The following DYNLT2 variants were observed in gnomAD, a reference collection of about 807,000 sequenced individuals.
The protein encoded by DYNLT2 is dynein light chain Tctex-type protein 2.
In DYNLT2, 24 loss-of-function variants were observed where a neutral mutation model predicts 24.3. The ratio of observed to expected loss-of-function variants is 0.99; its 90% CI spans 0.71 to 1.39. The LOEUF is 1.39. DYNLT2 is among the 40% of genes most tolerant of loss of function. The pLI, the probability that DYNLT2 is intolerant of heterozygous loss-of-function variation, is 0.00. For synonymous variants in DYNLT2, 85 were observed against 85.4 expected (o/e 1.00, Z 0.03); for missense variants, 246 against 234.5 (o/e 1.05, Z -0.32).
the DYNLT2 span, among the ~76,000 whole-genome samples, chr6:169,734,981 A>G: frequency 1.3e-5 from 2 of 152,250 alleles, no homozygotes; most frequent in Admixed American, 1.3e-4. Flanking sequence ...TTATTGGTCT[A>G]TTCAGGGATT....
the DYNLT2 span, among the ~76,000 whole-genome samples, chr6:169,729,859 C>T: frequency 1.4e-5 from 2 of 146,444 alleles, no homozygotes; most frequent in African/African-American, 2.5e-5. Context: ...TCACCAAGAA[C>T]CACCATGTTG....
At chr6:169,745,073 G>A (rs953645031) in intron 1 of DYNLT2, among the ~76,000 whole-genome samples, 9 of 152,008 alleles carry the variant, frequency 5.9e-5, no homozygotes, top group Non-Finnish European at 1.2e-4. Flanking sequence ...CATCGAGTAT[G>A]ATGTTTGCTG....
At chr6:169,729,441 T>G in the DYNLT2 span, among the ~76,000 whole-genome samples, 4 of 152,190 alleles carry the variant, frequency 2.6e-5, no homozygotes, top group Non-Finnish European at 5.9e-5. Flanking sequence ...TAATGATCCA[T>G]TTTTGTAAAA....
chr6:169,735,721 C>A (rs6415195), downstream of DYNLT2, among the ~76,000 whole-genome samples: 58,454 of 151,974 alleles, frequency 0.38, 13,025 homozygotes, highest in East Asian at 0.94. Context: ...TTGATTTTAG[C>A]ATAAGTGCCA....
At chr6:169,749,473 TTTG>T (rs1179621739) in intron 1 of DYNLT2, 1 of 152,250 alleles carries the variant, frequency 6.6e-6, no homozygotes, top group African/African-American at 2.4e-5. Context: ...TACTTCGCAT[TTTG>T]TTACCTTTGA....
chr6:169,742,636 T>C (rs1789703535), intron 3 of DYNLT2, among the ~76,000 whole-genome samples: 3 of 152,178 alleles, frequency 2.0e-5, no homozygotes, highest in Admixed American at 2.0e-4. Context: ...TTTGAGTCTG[T>C]TGCCCAGGCT....
downstream of DYNLT2, among the ~76,000 whole-genome samples, chr6:169,738,495 G>A (rs149569668): frequency 1.1e-3 from 170 of 152,254 alleles, 1 homozygote; most frequent in East Asian, 0.027. Flanking sequence ...TGGCTGGGTA[G>A]CACTCTTACT....
intron 1 of DYNLT2, among the ~76,000 whole-genome samples, chr6:169,747,034 A>G (rs1048120460): frequency 3.3e-5 from 5 of 151,020 alleles, no homozygotes; most frequent in Non-Finnish European, 5.9e-5. Flanking sequence ...CATAGTAGGG[A>G]CTTTAAGGAA....
At chr6:169,727,958 A>C in the DYNLT2 span, among the ~76,000 whole-genome samples, 1 of 152,226 alleles carries the variant, frequency 6.6e-6, no homozygotes, top group Non-Finnish European at 1.5e-5. Context: ...GAGATACAGA[A>C]GATCTGAGGA....
intron 1 of DYNLT2, 138 bp downstream of exon 1, chr6:169,751,201 G>A: frequency 7.4e-7 from 1 of 1,348,530 alleles, no homozygotes; most frequent in Middle Eastern, 1.9e-4. Flanking sequence ...TTCGCATCTG[G>A]GGAAAAAAGA....
chr6:169,725,117 T>G, the DYNLT2 span: 1 of 398,610 alleles, frequency 2.5e-6, no homozygotes, highest in Admixed American at 4.4e-5. Context: ...ATTACTGATC[T>G]CGGGCTGCAC....
intron 3 of DYNLT2, 52 bp from the exon 4 acceptor site, chr6:169,740,347 T>A: frequency 1.8e-6 from 2 of 1,083,764 alleles, no homozygotes; most frequent in Non-Finnish European, 1.4e-6. Context: ...TATTAAGAAG[T>A]AATTTTCAAA....
chr6:169,738,901 A>G (rs1789615994), downstream of DYNLT2: 1 of 152,232 alleles, frequency 6.6e-6, no homozygotes, highest in African/African-American at 2.4e-5. Context: ...GCCAAACTCC[A>G]TTTGGATCTA....
At chr6:169,731,360 G>A in the DYNLT2 span, among the ~76,000 whole-genome samples, 2,702 of 152,230 alleles carry the variant, frequency 0.018, 23 homozygotes, top group Non-Finnish European at 0.028. Flanking sequence ...GCCACTGAGG[G>A]GTTTTGAGGC....
intron 1 of DYNLT2, among the ~76,000 whole-genome samples, chr6:169,749,076 A>T (rs573052143): frequency 2.0e-5 from 3 of 152,258 alleles, no homozygotes; most frequent in Non-Finnish European, 4.4e-5. Context: ...TTTATTTCTA[A>T]ATGCCACATG....
chr6:169,751,265 G>A, intron 1 of DYNLT2, 74 bp downstream of exon 1: 3 of 1,540,170 alleles, frequency 1.9e-6, no homozygotes, highest in Non-Finnish European at 2.6e-6. Context: ...ACGGGAGCGG[G>A]GCCCACTGGG....
chr6:169,732,464 G>C, the DYNLT2 span, among the ~76,000 whole-genome samples: 1 of 152,064 alleles, frequency 6.6e-6, no homozygotes, highest in East Asian at 1.9e-4. Context: ...ACAGGCCCTG[G>C]TGTGTGTTGT....
intron 3 of DYNLT2, among the ~76,000 whole-genome samples, chr6:169,741,640 T>C (rs1789681868): frequency 6.6e-6 from 1 of 152,146 alleles, no homozygotes; most frequent in Non-Finnish European, 1.5e-5. Context: ...CCAGCTACAC[T>C]TGTTACATAT....
At chr6:169,747,271 CTA>C (rs918853126) in intron 1 of DYNLT2, among the ~76,000 whole-genome samples, 3 of 151,918 alleles carry the variant, frequency 2.0e-5, no homozygotes, top group African/African-American at 7.2e-5. Context: ...TTTTATTATT[CTA>C]TGTCTTGGCA....
Sources: allele counts gnomAD v4.1 joint callset (sites outside exome capture counted in the v4.1 genomes callset), GRCh38; gene constraint gnomAD v4.1.1; transcripts MANE v1.5; gene names NCBI Gene and HGNC (gene_info 2026-07-23, HGNC 2026-07-21).